The following LRRTM4 variants were observed in gnomAD, a reference collection of about 807,000 sequenced individuals.
LRRTM4 encodes leucine rich repeat transmembrane neuronal 4, also known as leucine-rich repeat transmembrane neuronal protein 4.
LRRTM4 carries 25 observed loss-of-function variants against 47.6 expected under a neutral mutation model. That is an observed-to-expected ratio of 0.53 (90% CI 0.38 to 0.73). The LOEUF (loss-of-function observed/expected upper bound fraction) is 0.73, where lower values mean the gene tolerates loss of function less well. Among genes scored for constraint, LRRTM4 ranks in the 30% least tolerant of loss-of-function variants. The probability of loss-of-function intolerance (pLI) is 0.00; values close to 1 mark genes in which losing one functional copy is unlikely to be tolerated. For missense variants in LRRTM4, 638 were observed against 713.4 expected (o/e 0.89, Z 1.20); for synonymous variants, 311 against 269.5 (o/e 1.15, Z -1.51).
At chr2:76,956,498 A>G (rs1055186915) in intron 3 of LRRTM4, among the ~76,000 whole-genome samples, 2 of 151,422 alleles carry the variant, frequency 1.3e-5, no homozygotes, top group Admixed American at 1.3e-4. Context: ...AAATGCCTAC[A>G]TTATAAAAGA....
intron 3 of LRRTM4, among the ~76,000 whole-genome samples, chr2:77,345,555 A>G (rs941921234): frequency 2.6e-5 from 4 of 152,026 alleles, no homozygotes; most frequent in African/African-American, 4.8e-5. Context: ...AAAGATGTCT[A>G]ATCTTCTTTG....
chr2:76,860,340 A>G (rs914137590), intron 3 of LRRTM4, among the ~76,000 whole-genome samples: 1 of 152,182 alleles, frequency 6.6e-6, no homozygotes, highest in Non-Finnish European at 1.5e-5. Flanking sequence ...TTGATATTCG[A>G]TGATGTCTAA....
chr2:76,778,634 A>G (rs201585932), intron 3 of LRRTM4, among the ~76,000 whole-genome samples: 2 of 151,938 alleles, frequency 1.3e-5, no homozygotes, highest in African/African-American at 4.8e-5. Flanking sequence ...TACTGCATCC[A>G]TTTGATTCTT....
intron 3 of LRRTM4, among the ~76,000 whole-genome samples, chr2:76,757,771 G>A (rs925139313): frequency 6.6e-6 from 1 of 152,046 alleles, no homozygotes; most frequent in Non-Finnish European, 1.5e-5. Flanking sequence ...ATGACATACA[G>A]AAGACAAGTT....
chr2:76,906,889 A>T (rs1402707843), intron 3 of LRRTM4, among the ~76,000 whole-genome samples: 5 of 151,374 alleles, frequency 3.3e-5, no homozygotes, highest in African/African-American at 7.3e-5. Context: ...CTCCCACACA[A>T]TAATAATGGG....
chr2:77,041,927 A>AGG (rs1476343043), intron 3 of LRRTM4, among the ~76,000 whole-genome samples: 13 of 98,816 alleles, frequency 1.3e-4, no homozygotes, highest in Admixed American at 1.2e-3. Flanking sequence ...GAATGGAATA[A>AGG]AGAGAATCAT....
intron 3 of LRRTM4, among the ~76,000 whole-genome samples, chr2:76,807,394 ATATATGTATATACG>A (rs1558667172): frequency 4.1e-5 from 5 of 122,376 alleles, no homozygotes; most frequent in Admixed American, 8.8e-5. Context: ...ATATATATAT[ATATATGTATATACG>A]TATATATATA....
At chr2:77,480,698 A>C (rs532320320) in intron 3 of LRRTM4, among the ~76,000 whole-genome samples, 1 of 152,170 alleles carries the variant, frequency 6.6e-6, no homozygotes, top group East Asian at 1.9e-4. Flanking sequence ...CACAATTTAC[A>C]AAAAGAATAA....
intron 3 of LRRTM4, among the ~76,000 whole-genome samples, chr2:76,758,975 C>A (rs1673159285): frequency 6.6e-6 from 1 of 152,056 alleles, no homozygotes; most frequent in Non-Finnish European, 1.5e-5. Flanking sequence ...TAAAACTTTA[C>A]AAACAGTGAC....
At chr2:76,856,593 G>T (rs187656867) in intron 3 of LRRTM4, among the ~76,000 whole-genome samples, 74 of 152,018 alleles carry the variant, frequency 4.9e-4, no homozygotes, top group East Asian at 4.3e-3. Flanking sequence ...ACTTTAATAG[G>T]AAAAAGAAGA....
chr2:77,470,034 C>G (rs1216195183), intron 3 of LRRTM4, among the ~76,000 whole-genome samples: 1 of 151,954 alleles, frequency 6.6e-6, no homozygotes, highest in Non-Finnish European at 1.5e-5. Flanking sequence ...ATGGTTGGGT[C>G]AGAGAGGATA....
chr2:77,162,305 G>A (rs1004718427), intron 3 of LRRTM4, among the ~76,000 whole-genome samples: 2 of 152,174 alleles, frequency 1.3e-5, no homozygotes, highest in Non-Finnish European at 2.9e-5. Context: ...GCTTCAGTAG[G>A]TAAACAAAGT....
chr2:77,251,783 G>T (rs1675624990), intron 3 of LRRTM4, among the ~76,000 whole-genome samples: 1 of 152,072 alleles, frequency 6.6e-6, no homozygotes, highest in South Asian at 2.1e-4. Context: ...GCTGCATGGG[G>T]TTCTAGTCTT....
intron 3 of LRRTM4, chr2:77,009,005 T>A (rs1246837379): frequency 1.3e-5 from 2 of 151,924 alleles, no homozygotes; most frequent in African/African-American, 4.8e-5. Context: ...GACATCTTCT[T>A]GTCTCTTTTC....
intron 3 of LRRTM4, among the ~76,000 whole-genome samples, chr2:77,414,749 G>T (rs2103867362): frequency 6.6e-6 from 1 of 152,282 alleles, no homozygotes; most frequent in African/African-American, 2.4e-5. Flanking sequence ...TTATGTTTTA[G>T]TTTATGTGAT....
At chr2:76,928,078 G>A (rs1395043062) in intron 3 of LRRTM4, among the ~76,000 whole-genome samples, 1 of 151,984 alleles carries the variant, frequency 6.6e-6, no homozygotes, top group Non-Finnish European at 1.5e-5. Context: ...ATTTTTATAT[G>A]GCTTTACATG....
intron 3 of LRRTM4, among the ~76,000 whole-genome samples, chr2:77,105,439 G>C (rs899411194): frequency 6.7e-6 from 1 of 149,126 alleles, no homozygotes; most frequent in Non-Finnish European, 1.5e-5. Flanking sequence ...CTGACTCATA[G>C]GTAGGTGGGA....
chr2:77,114,175 T>TG (rs937640514), intron 3 of LRRTM4, among the ~76,000 whole-genome samples: 1 of 152,152 alleles, frequency 6.6e-6, no homozygotes, highest in African/African-American at 2.4e-5. Context: ...GTCATCAGGA[T>TG]GGCACGTACC....
intron 3 of LRRTM4, among the ~76,000 whole-genome samples, chr2:77,019,653 A>C (rs1678197078): frequency 6.6e-6 from 1 of 152,160 alleles, no homozygotes; most frequent in Non-Finnish European, 1.5e-5. Context: ...CATCAGTTGC[A>C]GATAAAGCCA....
Sources: gnomAD v4.1 joint callset for allele counts (sites outside exome capture counted in the v4.1 genomes callset) on GRCh38, gnomAD v4.1.1 for gene constraint, MANE v1.5 for transcripts, NCBI Gene and HGNC (gene_info 2026-07-23, HGNC 2026-07-21) for gene names.